MAX: variants seen among roughly 807,000 people sequenced by gnomAD.
MAX encodes MYC associated transcriptional regulator X.
A neutral mutation model predicts 22.3 loss-of-function variants in MAX; 3 were observed. That is an observed-to-expected ratio of 0.13 (90% CI 0.06 to 0.35). MAX has a LOEUF of 0.35. MAX is among the 10% of genes least tolerant of loss of function. MAX has a pLI of 1.00. For missense variants in MAX, 119 were observed against 209.4 expected (o/e 0.57, Z 2.66); for synonymous variants, 72 against 77.7 (o/e 0.93, Z 0.39).
chr14:65,045,309 G>A (rs192137209), intron 3 of MAX, among the ~76,000 whole-genome samples: 139 of 152,180 alleles, frequency 9.1e-4, no homozygotes, highest in Admixed American at 3.3e-3. Context: ...GCTGTTCTTC[G>A]GACTTAGTTG....
At chr14:65,086,937 A>G (rs1219288738) in intron 3 of MAX, among the ~76,000 whole-genome samples, 1 of 152,214 alleles carries the variant, frequency 6.6e-6, no homozygotes, top group Non-Finnish European at 1.5e-5. Flanking sequence ...GGCTGGGCCC[A>G]GGGTCCACAG....
intron 2 of MAX, among the ~76,000 whole-genome samples, chr14:65,099,107 CATATTAA>C (rs894582017): frequency 2.6e-5 from 4 of 151,852 alleles, no homozygotes; most frequent in Admixed American, 2.6e-4. Flanking sequence ...ATTTATTATC[CATATTAA>C]ATATTGAGAA....
In MAX at chr14:65,044,547, G is replaced by C. The variant is rs1566569661; in HGVS notation, c.172-38263C>G. ...TTTTAGAGGGGTTGAAATGAGCTCT[G>C]TCTATCCTGGATTTTGAGTGCCCAG... On this transcript the variant is annotated intron_variant, in intron 3 of 3. Coordinates refer to the MAX transcript ENST00000341653. The surrounding 1 kb of genome is among the most constrained non-coding windows in gnomAD (Gnocchi z 5.5). 6.7e-7 allele frequency: 1 copy of C among 1,490,586 alleles called. No homozygotes were observed. Among genetic ancestry groups the C allele is most frequent in the Non-Finnish European group, 8.9e-7 (1 of 1,123,392 alleles). The allele number at this position is 1,490,586 out of a possible 1,614,324, so 92.3% of individuals were successfully genotyped here. A position where few individuals can be genotyped will look rare whatever the true frequency, so the allele number is the denominator to read the frequency against.
intron 3 of MAX, chr14:65,040,697 G>A: frequency 7.5e-7 from 1 of 1,331,826 alleles, no homozygotes; most frequent in Middle Eastern, 3.2e-4. Flanking sequence ...ACCTTAATCT[G>A]AGTGAACTTT....
intron 3 of MAX, among the ~76,000 whole-genome samples, chr14:65,040,106 C>T (rs906539469): frequency 6.6e-6 from 1 of 152,126 alleles, no homozygotes; most frequent in African/African-American, 2.4e-5. Context: ...GGGAGGATTG[C>T]CTGAGTCCAG....
intron 3 of MAX, among the ~76,000 whole-genome samples, chr14:65,055,053 G>A (rs1284251594): frequency 2.0e-5 from 3 of 152,242 alleles, no homozygotes; most frequent in Non-Finnish European, 4.4e-5. Flanking sequence ...ATGCGGCACT[G>A]GCTGTACAGC....
intron 3 of MAX, among the ~76,000 whole-genome samples, chr14:65,033,794 T>G (rs2062134015): frequency 6.6e-6 from 1 of 152,046 alleles, no homozygotes; most frequent in African/African-American, 2.4e-5. Context: ...GAGGCGGAGC[T>G]TGCAGTGAGC....
chr14:65,101,495 A>T, intron 2 of MAX, 51 bp downstream of exon 2: 1 of 1,512,122 alleles, frequency 6.6e-7, no homozygotes, highest in Non-Finnish European at 9.1e-7. Context: ...GACCCCAAAA[A>T]GGAATAGAAC....
Position 65,093,608 on chromosome 14 carries a change from C to CT in MAX, c.171+99dup, listed in dbSNP as rs1595166421. 2.6e-6 allele frequency: 2 copies of CT among 759,168 alleles called. No individual in the cohort carries two copies. Among genetic ancestry groups the CT allele is most frequent in the East Asian group, 5.0e-5 (2 of 40,138 alleles). The allele number at this position is 759,168 out of a possible 1,614,324, so 47.0% of individuals were successfully genotyped here. A position where few individuals can be genotyped will look rare whatever the true frequency, so the allele number is the denominator to read the frequency against. On this transcript the variant is annotated intron_variant, in intron 3 of 4. Coordinates refer to ENST00000358664, the MANE Select transcript of MAX (RefSeq NM_002382.5). This position sits in a 1 kb window ranked among gnomAD's most constrained non-coding sequence, Gnocchi z 4.4. ...AGGCAACCATGCTACCTGAATATCT[C>CT]TGACTACATTTCCTTCCCAATAGGT...
In MAX at chr14:65,055,816, C is replaced by G. The variant is rs183194211; in HGVS notation, c.171+37892G>C. Among the ~76,000 whole-genome samples, 472 of 152,208 alleles carry G rather than the reference C, an allele frequency of 3.1e-3. 2 individuals are homozygous for G. The highest frequency in any genetic ancestry group is 0.011 in the African/African-American group (445 of 41,524). On this transcript the variant is annotated intron_variant, in intron 3 of 3. Coordinates refer to the MAX transcript ENST00000341653. ...ACATGTGTGAGCCACCACGCCTGGC[C>G]CCATCTTTGTTTCTTTTAATTGGGA... is the stretch of plus-strand genomic sequence containing the variant.
In MAX at chr14:65,032,496, G is replaced by A; in HGVS notation, c.172-26212C>T. 1 of 1,099,046 alleles carries A rather than the reference G, an allele frequency of 9.1e-7. No individual in the cohort carries two copies. Among genetic ancestry groups the A allele is most frequent in the South Asian group, 1.6e-5 (1 of 62,810 alleles). 68.1% of individuals were successfully genotyped at this position (1,099,046 alleles called of 1,614,324 possible). A position where few individuals can be genotyped will look rare whatever the true frequency, so the allele number is the denominator to read the frequency against. ...GGACTGACCGTGTGCCAAGAGTGAG[G>A]ACAGGAGGTGATTACAGCTTACTAG... On this transcript the variant is annotated intron_variant, in intron 3 of 3. Transcript: ENST00000341653. This position sits in a 1 kb window ranked among gnomAD's most constrained non-coding sequence, Gnocchi z 5.0.
At position 65,093,869 on chromosome 14, in the gene MAX, C is replaced by T; in HGVS notation, c.64-54G>A. 9.6e-7 allele frequency: 1 copy of T among 1,041,054 alleles called. No homozygotes were observed. 64.5% of individuals were successfully genotyped at this position (1,041,054 alleles called of 1,614,324 possible). A position where few individuals can be genotyped will look rare whatever the true frequency, so the allele number is the denominator to read the frequency against. ...GGAATGTCACTCCTTTTGCTTGGTA[C>T]AAGGTGGGTGGGGTACAGCCTGGAA... On this transcript the variant is annotated intron_variant, in intron 2 of 4. Transcript: ENST00000358664. This position sits in a 1 kb window ranked among gnomAD's most constrained non-coding sequence, Gnocchi z 4.4.
chr14:65,016,238 C>T (rs974869658), intron 3 of MAX, among the ~76,000 whole-genome samples: 3 of 152,156 alleles, frequency 2.0e-5, no homozygotes, highest in Admixed American at 6.5e-5. Context: ...TAAACCTGAT[C>T]GATGATTAGA....
chr14:65,074,141 A>G (rs1222561153), downstream of MAX, among the ~76,000 whole-genome samples: 1 of 152,206 alleles, frequency 6.6e-6, no homozygotes, highest in East Asian at 1.9e-4. Flanking sequence ...AAGCAAACCA[A>G]CTGTATACTT....
chr14:65,071,479 C>T (rs776662952), downstream of MAX, among the ~76,000 whole-genome samples: 2 of 152,200 alleles, frequency 1.3e-5, no homozygotes, highest in African/African-American at 2.4e-5. The surrounding 1 kb of genome is among the most constrained non-coding windows in gnomAD (Gnocchi z 4.2). Context: ...AAAATGGCTG[C>T]ACTACCCAGG....
intron 3 of MAX, chr14:65,083,849 A>G: frequency 8.4e-7 from 1 of 1,195,782 alleles, no homozygotes; most frequent in Non-Finnish European, 1.0e-6. Context: ...AGGTAAAGGG[A>G]GGGCCCAGGG....
chr14:65,100,211 G>T (rs2063791336), intron 2 of MAX, among the ~76,000 whole-genome samples: 1 of 151,978 alleles, frequency 6.6e-6, no homozygotes, highest in Non-Finnish European at 1.5e-5. Flanking sequence ...CAGCACTTTG[G>T]GAGGCCGAGG....
chr14:65,065,597 G>A (rs2139711432), intron 3 of MAX, among the ~76,000 whole-genome samples: 1 of 152,248 alleles, frequency 6.6e-6, no homozygotes, highest in Middle Eastern at 3.4e-3. Context: ...GTAAGTATTT[G>A]TGAATCTAAA....
chr14:65,073,412 T>G (rs1230393829), downstream of MAX, among the ~76,000 whole-genome samples: 11 of 152,180 alleles, frequency 7.2e-5, no homozygotes, highest in Admixed American at 5.9e-4. Context: ...ACCTAAGAAG[T>G]TGTTGATGTT....
Sources: allele counts gnomAD v4.1 joint callset (sites outside exome capture counted in the v4.1 genomes callset), GRCh38; gene constraint gnomAD v4.1.1; non-coding constraint Gnocchi (gnomAD v3.1); transcripts MANE v1.5; gene names NCBI Gene and HGNC (gene_info 2026-07-23, HGNC 2026-07-21).